The following HCK variants were observed in gnomAD, a reference collection of about 807,000 sequenced individuals.
The protein encoded by HCK is tyrosine-protein kinase HCK.
In HCK, 40 loss-of-function variants were observed where a neutral mutation model predicts 70.4. That is an observed-to-expected ratio of 0.57 (90% CI 0.44 to 0.74). The LOEUF (loss-of-function observed/expected upper bound fraction) is 0.74. HCK is among the 30% of genes least tolerant of loss of function. The pLI is 0.00. For missense variants in HCK, 568 were observed against 697.2 expected, an observed-to-expected ratio of 0.81 and a Z score of 2.09; for synonymous variants, 245 against 263.2, an observed-to-expected ratio of 0.93 and a Z score of 0.67.
rs778570551 is a variant in HCK at position 32,084,017 on chromosome 20, T to C, written c.656T>C (p.Leu219Pro). 6.2e-7 allele frequency: 1 copy of C among 1,613,992 alleles called. No homozygotes were observed. The highest frequency in any genetic ancestry group is 8.5e-7 in the Non-Finnish European group (1 of 1,180,032). The change falls in exon 7 of 13, where the codon CTG becomes CCG. Residue 219 changes from leucine to proline, a missense_variant. Transcript: ENST00000375852. The stretch of plus-strand genomic sequence containing the variant: ...TCCCCCCGAAGCACCTTCAGCACTC[T>C]GCAGGAGCTGGTGGACCACTACAAG...
intron 1 of HCK, among the ~76,000 whole-genome samples, chr20:32,068,158 C>T (rs990201736): frequency 3.3e-5 from 5 of 151,854 alleles, no homozygotes; most frequent in African/African-American, 9.7e-5. Context: ...ATTAGCCAGG[C>T]GTAGTGGCAC....
intron 1 of HCK, 39 bp downstream of exon 1, chr20:32,052,525 G>A (rs1331806973): frequency 8.0e-7 from 1 of 1,247,118 alleles, no homozygotes; most frequent in Middle Eastern, 3.1e-4. Flanking sequence ...TACCCGGCCC[G>A]CGAGGGGTCC....
chr20:32,065,665 TGC>T (rs2045445259), intron 1 of HCK, among the ~76,000 whole-genome samples: 2 of 152,150 alleles, frequency 1.3e-5, no homozygotes, highest in African/African-American at 4.8e-5. Flanking sequence ...CAGGGCAGAC[TGC>T]CTCAGTGAGG....
At chr20:32,078,407 A>G (rs903525243) in intron 5 of HCK, among the ~76,000 whole-genome samples, 1 of 151,990 alleles carries the variant, frequency 6.6e-6, no homozygotes, top group Non-Finnish European at 1.5e-5. Flanking sequence ...TCACTTTACA[A>G]CATGAAAGCA....
intron 2 of HCK, 25 bp from the exon 3 acceptor site, chr20:32,073,294 C>A (rs1441948050): frequency 1.9e-6 from 3 of 1,605,408 alleles, no homozygotes; most frequent in Admixed American, 3.4e-5. Flanking sequence ...CAGATTCATT[C>A]TCTTCTCTCA....
intron 12 of HCK, among the ~76,000 whole-genome samples, chr20:32,099,516 C>T (rs1349604923): frequency 6.6e-6 from 1 of 151,998 alleles, no homozygotes; most frequent in Non-Finnish European, 1.5e-5. Context: ...CACCACCATG[C>T]CTGGCTAATT....
intron 1 of HCK, among the ~76,000 whole-genome samples, chr20:32,066,983 C>T (rs1001195075): frequency 1.3e-5 from 2 of 152,168 alleles, no homozygotes; most frequent in Non-Finnish European, 1.5e-5. Context: ...TATTCAGATC[C>T]TCCCTGTTCT....
intron 1 of HCK, 111 bp downstream of exon 1, chr20:32,052,597 C>A: frequency 5.3e-6 from 4 of 759,592 alleles, no homozygotes; most frequent in South Asian, 5.4e-5. Flanking sequence ...CTGGGGGCAG[C>A]GAGGGGAGAC....
At chr20:32,094,717 GAAAGA>G (rs2045914108) in intron 11 of HCK, among the ~76,000 whole-genome samples, 2 of 76,582 alleles carry the variant, frequency 2.6e-5, no homozygotes, top group African/African-American at 8.4e-5. Context: ...AAGAAAGAAA[GAAAGA>G]AAGAAAGAAA....
At chr20:32,057,003 C>T (rs541670192) in intron 1 of HCK, among the ~76,000 whole-genome samples, 108 of 152,330 alleles carry the variant, frequency 7.1e-4, no homozygotes, top group African/African-American at 2.5e-3. Context: ...CCTCCACCCG[C>T]AGCGATTATT....
At chr20:32,061,471 G>C (rs2045375305) in intron 1 of HCK, among the ~76,000 whole-genome samples, 5 of 152,154 alleles carry the variant, frequency 3.3e-5, no homozygotes, top group Non-Finnish European at 7.3e-5. Flanking sequence ...AATTTCTCCA[G>C]TCGTACTCCT....
At chr20:32,054,657 T>C (rs1444363112) in intron 1 of HCK, among the ~76,000 whole-genome samples, 2 of 151,496 alleles carry the variant, frequency 1.3e-5, no homozygotes, top group African/African-American at 4.9e-5. Context: ...ATACAAAAAA[T>C]TAGCCGGGCA....
At chr20:32,075,290 C>G (rs1053954245) in intron 5 of HCK, among the ~76,000 whole-genome samples, 4 of 152,028 alleles carry the variant, frequency 2.6e-5, no homozygotes, top group African/African-American at 9.7e-5. Flanking sequence ...CCTCCCTGGG[C>G]TCAGTTGATC....
At chr20:32,085,602 C>A (rs574196255) in intron 8 of HCK, among the ~76,000 whole-genome samples, 4 of 152,012 alleles carry the variant, frequency 2.6e-5, no homozygotes, top group Non-Finnish European at 5.9e-5. Flanking sequence ...GATTTGAAAG[C>A]CAAAAATATC....
At chr20:32,073,249 C>T (rs1431737052) in intron 2 of HCK, 70 bp from the exon 3 acceptor site, 13 of 1,365,514 alleles carry the variant, frequency 9.5e-6, no homozygotes, top group Non-Finnish European at 1.4e-5. Flanking sequence ...GTGTCCTTCT[C>T]AACACAGACC....
intron 1 of HCK, among the ~76,000 whole-genome samples, chr20:32,067,818 A>G (rs1423658825): frequency 4.6e-5 from 7 of 152,164 alleles, no homozygotes; most frequent in Admixed American, 3.3e-4. Context: ...GATGTGCTCT[A>G]ACAGTAAAAT....
intron 8 of HCK, among the ~76,000 whole-genome samples, chr20:32,085,116 A>C (rs2045765074): frequency 6.6e-6 from 1 of 152,192 alleles, no homozygotes; most frequent in South Asian, 2.1e-4. Flanking sequence ...TCCAAATGGG[A>C]GCGTTCCAAA....
chr20:32,059,278 A>ATCTTCCTTCCT (rs1490803840), intron 1 of HCK, among the ~76,000 whole-genome samples: 16 of 28,010 alleles, frequency 5.7e-4, no homozygotes, highest in Admixed American at 1.5e-3. Flanking sequence ...TAATGTTTTA[A>ATCTTCCTTCCT]TCTTCCTTCC....
At chr20:32,083,828 A>C in intron 6 of HCK, 66 bp from the exon 7 acceptor site, 1 of 1,572,160 alleles carries the variant, frequency 6.4e-7, no homozygotes, top group South Asian at 1.1e-5. Flanking sequence ...AGGGTGTCAG[A>C]GTGCTAATGC....
Sources: allele counts gnomAD v4.1 joint callset (sites outside exome capture counted in the v4.1 genomes callset), GRCh38; gene constraint gnomAD v4.1.1; transcripts MANE v1.5; gene names NCBI Gene and HGNC (gene_info 2026-07-23, HGNC 2026-07-21).